Variants in SMIM31 observed in about 807,000 individuals in gnomAD.
SMIM31 encodes human epithelial cell program regulator.
At chr4:164,787,193 G>A (rs986543432) in intron 2 of SMIM31, 1 of 152,066 alleles carries the variant, frequency 6.6e-6, no homozygotes, top group Non-Finnish European at 1.5e-5. Context: ...GTGGTAAATT[G>A]GGATTAGTTA....
chr4:164,774,640 CT>C (rs1732857045), intron 2 of SMIM31, among the ~76,000 whole-genome samples: 1 of 152,162 alleles, frequency 6.6e-6, no homozygotes, highest in African/African-American at 2.4e-5. Flanking sequence ...AAAAGTGATG[CT>C]CCCCAACCCA....
intron 2 of SMIM31, among the ~76,000 whole-genome samples, chr4:164,779,019 T>C (rs1314695400): frequency 1.3e-5 from 2 of 151,344 alleles, no homozygotes; most frequent in African/African-American, 4.9e-5. Context: ...CTCCAGCGCA[T>C]CAGCTACATC....
chr4:164,773,737 GATA>G (rs1488027734), intron 2 of SMIM31, among the ~76,000 whole-genome samples: 1 of 152,126 alleles, frequency 6.6e-6, no homozygotes, highest in Non-Finnish European at 1.5e-5. Context: ...ATGTTTTGGG[GATA>G]ATAATAGTAC....
At chr4:164,787,021 C>T (rs184816329) in intron 2 of SMIM31, among the ~76,000 whole-genome samples, 20 of 152,278 alleles carry the variant, frequency 1.3e-4, no homozygotes, top group Non-Finnish European at 2.6e-4. Context: ...AAGAACACTT[C>T]GCAGAAATGT....
Position 164,795,899 on chromosome 4 carries a change from C to A in SMIM31, c.113-5192C>A, listed in dbSNP as rs556714273. Among the ~76,000 whole-genome samples the A allele has an allele frequency of 2.6e-5, 4 of 152,268 alleles. No homozygotes were observed. The East Asian group carries it at 7.7e-4, about 29-fold the overall frequency. Reference sequence around the variant, plus strand: ...AGCACAGTCTAGTGAGGTGCAATATCTCAGTTCCCTCCATTCGGCTTCTGA... The same window carrying A: ...AGCACAGTCTAGTGAGGTGCAATATATCAGTTCCCTCCATTCGGCTTCTGA... On this transcript the variant is annotated intron_variant, in intron 2 of 2. Transcript: ENST00000507311.
intron 1 of SMIM31, among the ~76,000 whole-genome samples, chr4:164,758,619 T>A (rs1280389695): frequency 6.9e-6 from 1 of 144,292 alleles, no homozygotes; most frequent in Non-Finnish European, 1.5e-5. Context: ...ATATGTAGTT[T>A]TCCTTTTTTT....
At chr4:164,791,109 A>C (rs1250458711) in intron 2 of SMIM31, among the ~76,000 whole-genome samples, 3 of 152,174 alleles carry the variant, frequency 2.0e-5, no homozygotes, top group South Asian at 2.1e-4. Flanking sequence ...CAGATCACAG[A>C]TATAACTTCT....
chr4:164,792,632 T>A (rs1733117276), intron 2 of SMIM31, among the ~76,000 whole-genome samples: 1 of 152,200 alleles, frequency 6.6e-6, no homozygotes, highest in Non-Finnish European at 1.5e-5. Flanking sequence ...AATTGGTGAA[T>A]TCAGCATCTG....
chr4:164,770,317 C>T (rs1732776349), intron 1 of SMIM31, 102 bp from the exon 2 acceptor site: 1 of 395,260 alleles, frequency 2.5e-6, no homozygotes, highest in Non-Finnish European at 4.5e-6. Flanking sequence ...TTTTAACAAG[C>T]TTTAGCAAAT....
intron 2 of SMIM31, among the ~76,000 whole-genome samples, chr4:164,788,726 T>G (rs1208443046): frequency 2.0e-5 from 3 of 151,828 alleles, no homozygotes; most frequent in Non-Finnish European, 4.4e-5. Context: ...CCTCAGGTGA[T>G]CCGCCCGCCT....
chr4:164,767,570 G>T (rs76214193), intron 1 of SMIM31, among the ~76,000 whole-genome samples: 2,953 of 152,266 alleles, frequency 0.019, 88 homozygotes, highest in African/African-American at 0.067. Flanking sequence ...AACCCAGGAA[G>T]AAATGCAGGC....
At chr4:164,793,036 AG>A (rs1421102151) in intron 2 of SMIM31, among the ~76,000 whole-genome samples, 5 of 152,232 alleles carry the variant, frequency 3.3e-5, no homozygotes, top group Admixed American at 6.5e-5. Context: ...CCATAAAAAA[AG>A]AACAAAATCA....
intron 2 of SMIM31, among the ~76,000 whole-genome samples, chr4:164,800,173 A>G (rs548044990): frequency 6.6e-6 from 1 of 151,958 alleles, no homozygotes; most frequent in Non-Finnish European, 1.5e-5. Flanking sequence ...GTTCCAGAGG[A>G]CAGTCACAAT....
intron 1 of SMIM31, among the ~76,000 whole-genome samples, chr4:164,763,714 T>G (rs1200015572): frequency 1.3e-5 from 2 of 152,226 alleles, no homozygotes; most frequent in Non-Finnish European, 1.5e-5. Flanking sequence ...ATTTAGCTTG[T>G]TCTTATGGAA....
rs142143448 is a variant in SMIM31 at position 164,757,080 on chromosome 4, T to G, written c.-26+2669T>G. On this transcript the variant is annotated intron_variant, in intron 1 of 2. Coordinates refer to ENST00000507311, the MANE Select transcript of SMIM31 (RefSeq NM_001352885.1). ...AGTTACTACACATCTTTGCCACTCT[T>G]AGGGTTTTGGCTTTGATTTTAGCTA... Among the ~76,000 whole-genome samples the G allele has an allele frequency of 1.8e-3, 268 of 152,308 alleles. 1 individual carries two copies. The highest frequency in any genetic ancestry group is 5.8e-3 in the African/African-American group (242 of 41,574).
intron 1 of SMIM31, among the ~76,000 whole-genome samples, chr4:164,762,796 C>CAT: frequency 6.6e-6 from 1 of 152,138 alleles, no homozygotes; most frequent in Admixed American, 6.6e-5. Flanking sequence ...CTTCATCTAT[C>CAT]ATATTGAAAG....
At chr4:164,768,431 A>G in intron 1 of SMIM31, among the ~76,000 whole-genome samples, 1 of 151,046 alleles carries the variant, frequency 6.6e-6, no homozygotes, top group South Asian at 2.1e-4. Context: ...ACATCTCAAA[A>G]AAAAAAAAAA....
At chr4:164,765,836 G>A (rs1401879726) in intron 1 of SMIM31, among the ~76,000 whole-genome samples, 2 of 152,124 alleles carry the variant, frequency 1.3e-5, no homozygotes, top group East Asian at 1.9e-4. Context: ...CCAGAAAAGT[G>A]CATTTACTTC....
chr4:164,787,632 A>T (rs966796449), intron 2 of SMIM31, among the ~76,000 whole-genome samples: 5 of 151,374 alleles, frequency 3.3e-5, no homozygotes, highest in Non-Finnish European at 5.9e-5. Context: ...TTGAATCTCA[A>T]ATGTCATGAA....
Sources: gnomAD v4.1 joint callset for allele counts (sites outside exome capture counted in the v4.1 genomes callset) on GRCh38, gnomAD v4.1.1 for gene constraint, MANE v1.5 for transcripts, NCBI Gene and HGNC (gene_info 2026-07-23, HGNC 2026-07-21) for gene names.